The following HIPK2 variants were observed in gnomAD, a reference collection of about 807,000 sequenced individuals.
HIPK2 encodes homeodomain interacting protein kinase 2.
Under a neutral mutation model 113.7 loss-of-function variants are expected in HIPK2, and 27 were observed. The ratio of observed to expected loss-of-function variants is 0.24; its 90% CI spans 0.17 to 0.33. The LOEUF (loss-of-function observed/expected upper bound fraction) is 0.33. HIPK2 is among the 10% of genes least tolerant of loss of function. The probability of loss-of-function intolerance (pLI) is 1.00; values close to 1 mark genes in which losing one functional copy is unlikely to be tolerated. For synonymous variants in HIPK2, 631 were observed against 642.2 expected (o/e 0.98, Z 0.26); for missense variants, 1,257 against 1,588.0 (o/e 0.79, Z 3.54).
chr7:139,758,247 G>C (rs1796394288), intron 1 of HIPK2, among the ~76,000 whole-genome samples: 1 of 152,118 alleles, frequency 6.6e-6, no homozygotes, highest in Non-Finnish European at 1.5e-5. Flanking sequence ...GATATGAAAA[G>C]ATGATATAAA....
chr7:139,662,924 T>C (rs1801916948), intron 2 of HIPK2, among the ~76,000 whole-genome samples: 1 of 152,140 alleles, frequency 6.6e-6, no homozygotes, highest in Middle Eastern at 3.2e-3. Context: ...TGGCCTAAAA[T>C]GCCACTTTCT....
At chr7:139,639,909 T>A (rs1044360891) in intron 2 of HIPK2, among the ~76,000 whole-genome samples, 5 of 152,162 alleles carry the variant, frequency 3.3e-5, no homozygotes, top group Admixed American at 3.3e-4. Flanking sequence ...TTTTTTGGGT[T>A]GATCATCACA....
chr7:139,604,025 G>C, intron 10 of HIPK2, 56 bp downstream of exon 10: 1 of 1,610,078 alleles, frequency 6.2e-7, no homozygotes, highest in South Asian at 1.1e-5. Context: ...TGTTGGCAGT[G>C]GACGTGCCTC....
At chr7:139,692,312 C>A (rs1794430693) in intron 2 of HIPK2, among the ~76,000 whole-genome samples, 1 of 152,144 alleles carries the variant, frequency 6.6e-6, no homozygotes, top group Non-Finnish European at 1.5e-5. Flanking sequence ...CCTTTGAGCA[C>A]CAAAAATAGA....
At chr7:139,715,745 G>T (rs565158903) in intron 2 of HIPK2, 187 bp downstream of exon 2, 3 of 473,360 alleles carry the variant, frequency 6.3e-6, no homozygotes, top group Non-Finnish European at 8.3e-6. Flanking sequence ...ACCTGGCTCC[G>T]TTCTAATGTG....
chr7:139,584,226 G>C (rs1005393108), intron 12 of HIPK2, 162 bp from the exon 13 acceptor site: 3 of 441,920 alleles, frequency 6.8e-6, no homozygotes, highest in African/African-American at 6.4e-5. Context: ...GCATGCAAAA[G>C]TCCCCTGTGT....
intron 2 of HIPK2, among the ~76,000 whole-genome samples, chr7:139,695,543 T>C (rs1794537732): frequency 6.6e-6 from 1 of 152,096 alleles, no homozygotes; most frequent in Admixed American, 6.5e-5. Flanking sequence ...TTGAGGACAT[T>C]AAAAAGTTAT....
Position 139,628,954 on chromosome 7 carries a change from T to A in HIPK2, c.1433A>T (p.Gln478Leu). ...YIFNCLDDMA[Q>L]VNMTTDLEGS... is the part of the protein sequence containing the mutation. ...TGCATACTCACCCATGAAGCTTACC[T>A]GGGCCATATCATCTAAACAGTTGAA... Residue 478 changes from glutamine to leucine, a missense_variant and splice_region_variant, in exon 5 of 15, where the codon CAG (glutamine) becomes CTG (leucine). Gln to Leu is a moderately radical substitution (Grantham distance 113, BLOSUM62 -2). Transcript: ENST00000406875. 1 of 1,592,000 alleles carries A rather than the reference T, an allele frequency of 6.3e-7. No homozygotes were observed. Among genetic ancestry groups the A allele is most frequent in the Admixed American group, 1.8e-5 (1 of 57,024 alleles).
chr7:139,681,340 G>A (rs1802693445), intron 2 of HIPK2, among the ~76,000 whole-genome samples: 1 of 152,156 alleles, frequency 6.6e-6, no homozygotes, highest in African/African-American at 2.4e-5. Context: ...AGAGGAGGGA[G>A]GACACAGCCC....
chr7:139,673,723 C>T (rs747583146), intron 2 of HIPK2, among the ~76,000 whole-genome samples: 2 of 151,844 alleles, frequency 1.3e-5, no homozygotes, highest in Non-Finnish European at 2.9e-5. Context: ...TGGCACAGAG[C>T]AAAGCCCATT....
chr7:139,757,013 A>G (rs17177358), intron 1 of HIPK2, among the ~76,000 whole-genome samples: 17,325 of 152,192 alleles, frequency 0.11, 1,174 homozygotes, highest in Non-Finnish European at 0.16. Flanking sequence ...CCCTTTTCCC[A>G]GGCCCAGAAC....
intron 2 of HIPK2, among the ~76,000 whole-genome samples, chr7:139,713,457 G>A (rs1306348210): frequency 6.6e-6 from 1 of 152,198 alleles, no homozygotes; most frequent in East Asian, 1.9e-4. Context: ...GATGGGCAGG[G>A]AGGGCTCCAG....
intron 2 of HIPK2, among the ~76,000 whole-genome samples, chr7:139,670,566 G>A (rs1365394221): frequency 1.3e-5 from 2 of 149,418 alleles, no homozygotes; most frequent in African/African-American, 5.0e-5. Context: ...GGGTGATAGA[G>A]CAAGACCCTG....
intron 2 of HIPK2, among the ~76,000 whole-genome samples, chr7:139,642,823 G>C (rs1801072936): frequency 6.6e-6 from 1 of 152,190 alleles, no homozygotes; most frequent in Non-Finnish European, 1.5e-5. Flanking sequence ...AGCCATCCTT[G>C]GAATGGCCAA....
intron 5 of HIPK2, among the ~76,000 whole-genome samples, chr7:139,627,552 C>T (rs186053540): frequency 2.5e-4 from 38 of 152,234 alleles, no homozygotes; most frequent in African/African-American, 8.4e-4. Context: ...CTTTAAAAGG[C>T]TTGTTTTGTG....
intron 2 of HIPK2, among the ~76,000 whole-genome samples, chr7:139,680,406 C>T (rs1802658123): frequency 6.6e-6 from 1 of 152,214 alleles, no homozygotes; most frequent in Non-Finnish European, 1.5e-5. Context: ...CAAGTCAACT[C>T]TGGTTTTGGG....
chr7:139,685,391 G>A (rs534985917), intron 2 of HIPK2, among the ~76,000 whole-genome samples: 1 of 152,224 alleles, frequency 6.6e-6, no homozygotes, highest in South Asian at 2.1e-4. Context: ...TCAAACTCCT[G>A]GGCTCAAGCA....
intron 1 of HIPK2, among the ~76,000 whole-genome samples, chr7:139,761,113 G>A (rs1236662986): frequency 6.6e-6 from 1 of 152,202 alleles, no homozygotes; most frequent in Non-Finnish European, 1.5e-5. Flanking sequence ...AAAGTTAATG[G>A]GGAAAGGGAA....
intron 2 of HIPK2, among the ~76,000 whole-genome samples, chr7:139,662,177 C>T (rs1585345108): frequency 6.6e-6 from 1 of 152,172 alleles, no homozygotes. Flanking sequence ...TTAATCCATG[C>T]TCTTTGAGTA....
Sources: allele counts gnomAD v4.1 joint callset (sites outside exome capture counted in the v4.1 genomes callset), GRCh38; gene constraint gnomAD v4.1.1; transcripts MANE v1.5; gene names NCBI Gene and HGNC (gene_info 2026-07-23, HGNC 2026-07-21).